GTF2I: variants seen among roughly 807,000 people sequenced by gnomAD.
GTF2I encodes the protein general transcription factor IIi.
A neutral mutation model predicts 67.6 loss-of-function variants in GTF2I; 12 were observed. The observed-to-expected ratio is 0.18, with a 90% CI of 0.11 to 0.29. The LOEUF (loss-of-function observed/expected upper bound fraction) is 0.29, where lower values mean the gene tolerates loss of function less well. Among genes scored for constraint, GTF2I ranks in the 10% least tolerant of loss-of-function variants. The probability of loss-of-function intolerance (pLI) is 1.00; values close to 1 mark genes in which losing one functional copy is unlikely to be tolerated. For synonymous variants in GTF2I, 149 were observed against 197.0 expected (o/e 0.76, Z 2.04); for missense variants, 271 against 580.1 (o/e 0.47, Z 5.47).
intron 1 of GTF2I, among the ~76,000 whole-genome samples, chr7:74,676,764 C>G (rs1431373221): frequency 6.6e-6 from 1 of 151,936 alleles, no homozygotes; most frequent in African/African-American, 2.4e-5. Context: ...ATATTAAATA[C>G]CAACAATTTG....
At chr7:74,701,278 C>T (rs1406214160) in intron 6 of GTF2I, among the ~76,000 whole-genome samples, 2 of 151,980 alleles carry the variant, frequency 1.3e-5, no homozygotes, top group East Asian at 1.9e-4. Flanking sequence ...TTGAGACTTT[C>T]GGAAGTAAAT....
Position 74,689,139 on chromosome 7 carries a change from T to C in GTF2I, c.11T>C (p.Val4Ala), listed in dbSNP as rs1554396182. 1 of 1,608,538 alleles carries C rather than the reference T, an allele frequency of 6.2e-7. No individual in the cohort carries two copies. Among genetic ancestry groups the C allele is most frequent in the Non-Finnish European group, 8.5e-7 (1 of 1,175,072 alleles). Residue 4 changes from valine to alanine, a missense_variant, in exon 2 of 35, where the codon GTT (valine) becomes GCT (alanine). Physicochemically the swap from Val to Ala is moderately conservative, Grantham distance 64 (BLOSUM62 0). Around this residue, in one of 9 missense-constraint regions of GTF2I, gnomAD observed 17 missense variants for 18.2 expected, o/e 0.94. Transcript: ENST00000573035. MAQ[V>A]AMSTLPVEDE... ...TCCTGCACAGGGATCATGGCCCAAG[T>C]TGCAATGTCCACCCTCCCCGTTGAA...
intron 14 of GTF2I, among the ~76,000 whole-genome samples, chr7:74,731,289 A>C (rs1159575765): frequency 7.1e-6 from 1 of 140,676 alleles, no homozygotes; most frequent in Non-Finnish European, 1.5e-5. Flanking sequence ...GTTTTAACTG[A>C]ATTGCTATAA....
intron 1 of GTF2I, among the ~76,000 whole-genome samples, chr7:74,679,198 C>T (rs1554393353): frequency 6.6e-6 from 1 of 151,984 alleles, no homozygotes; most frequent in Admixed American, 6.6e-5. Flanking sequence ...CCTGCCTCAG[C>T]CTCCTGAGTA....
intron 1 of GTF2I, among the ~76,000 whole-genome samples, chr7:74,688,606 G>A (rs587652575): frequency 1.3e-5 from 2 of 152,252 alleles, no homozygotes; most frequent in Admixed American, 1.3e-4. Context: ...ATAGGCATGA[G>A]CCATCGTGCC....
chr7:74,698,972 G>C lies in GTF2I; in HGVS notation c.250G>C (p.Glu84Gln). 2 of 1,388,004 alleles carry C rather than the reference G, an allele frequency of 1.4e-6. No individual in the cohort carries two copies. The highest frequency in any genetic ancestry group is 1.9e-6 in the Non-Finnish European group (2 of 1,047,882). The allele number at this position is 1,388,004 out of a possible 1,614,324, so 86.0% of individuals were successfully genotyped here. ...TATTTTTTTTACAGGTGTTGAAGAA[G>C]AAGAAAAAGCTGCAGAGATGCATAA... ...KDFVKYCVEEEEKAAEMHKMK... is the reference protein window; with the variant it reads ...KDFVKYCVEEQEKAAEMHKMK... Residue 84 changes from glutamate (E) to glutamine (Q), a missense_variant, in exon 4 of 35, where the codon GAA (glutamate) becomes CAA (glutamine). Glu to Gln is a conservative substitution (Grantham distance 29). Coordinates refer to ENST00000573035, the MANE Select transcript of GTF2I (RefSeq NM_032999.4).
At chr7:74,703,550 T>A (rs1218975667) in intron 6 of GTF2I, among the ~76,000 whole-genome samples, 1 of 152,142 alleles carries the variant, frequency 6.6e-6, no homozygotes, top group Admixed American at 6.5e-5. Context: ...CGGATAACTT[T>A]AGTATTTTTA....
intron 3 of GTF2I, among the ~76,000 whole-genome samples, chr7:74,693,126 G>A (rs1317214250): frequency 1.3e-5 from 2 of 151,296 alleles, no homozygotes; most frequent in Non-Finnish European, 2.9e-5. Flanking sequence ...TTGAAGATTT[G>A]TGGCAACCTT....
intron 15 of GTF2I, among the ~76,000 whole-genome samples, chr7:74,733,016 G>T (rs587671404): frequency 1.3e-5 from 2 of 149,084 alleles, no homozygotes; most frequent in African/African-American, 4.9e-5. Flanking sequence ...ACCCAGGCTT[G>T]AGTGCAGTGT....
chr7:74,730,664 T>C (rs1794376867), intron 14 of GTF2I, among the ~76,000 whole-genome samples: 1 of 151,622 alleles, frequency 6.6e-6, no homozygotes, highest in Admixed American at 6.6e-5. Flanking sequence ...TTAATCTACT[T>C]TGTTAAATCC....
chr7:74,666,041 A>G (rs782135935), intron 1 of GTF2I, among the ~76,000 whole-genome samples: 3 of 151,842 alleles, frequency 2.0e-5, no homozygotes, highest in Non-Finnish European at 4.4e-5. Flanking sequence ...GGGTTTTACT[A>G]TATGTTGGCC....
chr7:74,732,865 G>A (rs1423832989), intron 15 of GTF2I, among the ~76,000 whole-genome samples: 2 of 149,428 alleles, frequency 1.3e-5, no homozygotes, highest in Non-Finnish European at 3.0e-5. Context: ...CATGAACAGT[G>A]CCCGCACTGG....
At chr7:74,719,248 A>G (rs1369494145) in intron 12 of GTF2I, among the ~76,000 whole-genome samples, 11 of 152,210 alleles carry the variant, frequency 7.2e-5, no homozygotes, top group Admixed American at 3.3e-4. Flanking sequence ...TCTATAATCT[A>G]TTGGGTTGTG....
At chr7:74,668,172 AC>A (rs1805148315) in intron 1 of GTF2I, among the ~76,000 whole-genome samples, 1 of 100,300 alleles carries the variant, frequency 1.0e-5, no homozygotes, top group South Asian at 3.5e-4. Context: ...GTGGTGCAGA[AC>A]TTTTTTTTTT....
chr7:74,674,437 C>T (rs1354169589), intron 1 of GTF2I, among the ~76,000 whole-genome samples: 2 of 152,134 alleles, frequency 1.3e-5, no homozygotes, highest in African/African-American at 4.8e-5. Context: ...ATATCTTTCA[C>T]GTAGAGACTT....
intron 12 of GTF2I, among the ~76,000 whole-genome samples, chr7:74,724,280 A>G (rs587738425): frequency 3.9e-5 from 6 of 152,350 alleles, no homozygotes; most frequent in African/African-American, 1.4e-4. Flanking sequence ...CAGTTTTGAA[A>G]TAGATATATT....
intron 3 of GTF2I, 59 bp downstream of exon 3, chr7:74,691,170 G>A: frequency 1.7e-6 from 2 of 1,167,792 alleles, no homozygotes; most frequent in South Asian, 2.8e-5. Context: ...ATATTTGTAG[G>A]TAAGACAAGT....
At chr7:74,676,094 T>C (rs1554392298) in intron 1 of GTF2I, among the ~76,000 whole-genome samples, 1 of 152,064 alleles carries the variant, frequency 6.6e-6, no homozygotes, top group Non-Finnish European at 1.5e-5. Flanking sequence ...AGATCTGGAT[T>C]CTATTCTTAG....
At chr7:74,686,352 G>A (rs1554395520) in intron 1 of GTF2I, among the ~76,000 whole-genome samples, 6 of 152,158 alleles carry the variant, frequency 3.9e-5, no homozygotes. Flanking sequence ...GCCTCATGAT[G>A]ACTTGATGGC....
Sources: allele counts gnomAD v4.1 joint callset (sites outside exome capture counted in the v4.1 genomes callset), GRCh38; gene constraint gnomAD v4.1.1; regional missense constraint gnomAD v4.1.1; transcripts MANE v1.5; gene names NCBI Gene and HGNC (gene_info 2026-07-23, HGNC 2026-07-21).